Variants in CNTN4 observed in about 807,000 individuals in gnomAD.
CNTN4 encodes the protein contactin 4, also known as contactin-4.
Under a neutral mutation model 122.5 loss-of-function variants are expected in CNTN4, and 77 were observed. The ratio of observed to expected loss-of-function variants is 0.63; its 90% CI spans 0.52 to 0.76. The LOEUF (loss-of-function observed/expected upper bound fraction) is 0.76, where lower values mean the gene tolerates loss of function less well. Among genes scored for constraint, CNTN4 ranks in the 30% least tolerant of loss-of-function variants. The pLI is 0.00. For missense variants in CNTN4, 1,256 were observed against 1,259.1 expected (o/e 1.00, Z 0.04); for synonymous variants, 512 against 447.0 (o/e 1.15, Z -1.83).
intron 3 of CNTN4, among the ~76,000 whole-genome samples, chr3:2,358,695 C>G (rs745371092): frequency 6.6e-6 from 1 of 151,962 alleles, no homozygotes; most frequent in African/African-American, 2.4e-5. Flanking sequence ...CAAATCAGTA[C>G]TAAAGTGCAT....
rs1383173854 is a variant in CNTN4, at chr3:2,174,787, C to T, written c.-145+74148C>T. Among the ~76,000 whole-genome samples, 5 of 152,156 alleles carry T rather than the reference C, an allele frequency of 3.3e-5. No homozygotes were observed. In the East Asian group the frequency reaches 9.6e-4, roughly 29 times the overall value. On this transcript the variant is annotated intron_variant, in intron 2 of 24. Transcript: ENST00000418658. ...GCATCTGCTCAGCTTCTGGAGAGGCCTCAGGGAGCTTTCAGTCATGGCAGA... is the reference window on the plus strand; with the variant it reads ...GCATCTGCTCAGCTTCTGGAGAGGCTTCAGGGAGCTTTCAGTCATGGCAGA...
chr3:2,459,594 G>C (rs1365476772), intron 3 of CNTN4, among the ~76,000 whole-genome samples: 1 of 151,992 alleles, frequency 6.6e-6, no homozygotes, highest in Non-Finnish European at 1.5e-5. Flanking sequence ...TTTTCATCTT[G>C]GTCTTGCCCT....
intron 8 of CNTN4, among the ~76,000 whole-genome samples, chr3:2,872,916 C>T (rs951194347): frequency 2.0e-5 from 3 of 152,096 alleles, no homozygotes; most frequent in Admixed American, 2.0e-4. Flanking sequence ...ACCATGTTTT[C>T]CCAAGTCCTC....
chr3:2,252,641 T>C (rs1057107694), intron 2 of CNTN4, among the ~76,000 whole-genome samples: 1 of 152,110 alleles, frequency 6.6e-6, no homozygotes, highest in African/African-American at 2.4e-5. Context: ...AGATTTAATA[T>C]GGCTAATGAT....
chr3:2,808,807 G>A (rs1289055533), intron 6 of CNTN4, among the ~76,000 whole-genome samples: 2 of 152,220 alleles, frequency 1.3e-5, no homozygotes, highest in African/African-American at 4.8e-5. Flanking sequence ...CCATGCCCTT[G>A]ATTGGACACC....
chr3:2,925,027 T>TA (rs1189194466), intron 12 of CNTN4, among the ~76,000 whole-genome samples: 3 of 152,206 alleles, frequency 2.0e-5, no homozygotes, highest in African/African-American at 4.8e-5. Context: ...CACTTGAACA[T>TA]ACAATAAATT....
At chr3:2,429,104 G>T (rs1489526139) in intron 3 of CNTN4, among the ~76,000 whole-genome samples, 3 of 152,168 alleles carry the variant, frequency 2.0e-5, no homozygotes, top group African/African-American at 2.4e-5. Context: ...TCTCCATCCA[G>T]GTTTGTTCCA....
intron 2 of CNTN4, among the ~76,000 whole-genome samples, chr3:2,104,362 C>T (rs2032257625): frequency 6.6e-6 from 1 of 152,048 alleles, no homozygotes. Flanking sequence ...TTGTAACAGG[C>T]TAACATGAGC....
chr3:2,946,089 A>G (rs1393317868), intron 13 of CNTN4, among the ~76,000 whole-genome samples: 1 of 152,160 alleles, frequency 6.6e-6, no homozygotes, highest in Non-Finnish European at 1.5e-5. Context: ...AACTTTAGAG[A>G]TAAACAGATG....
intron 13 of CNTN4, among the ~76,000 whole-genome samples, chr3:2,972,152 A>C (rs1178477353): frequency 6.6e-6 from 1 of 152,174 alleles, no homozygotes; most frequent in Non-Finnish European, 1.5e-5. Context: ...CTGCTATGTG[A>C]CCACTACAAA....
At chr3:2,863,109 T>C (rs1485010123) in intron 7 of CNTN4, among the ~76,000 whole-genome samples, 2 of 152,206 alleles carry the variant, frequency 1.3e-5, no homozygotes, top group Non-Finnish European at 2.9e-5. Context: ...TACTACACTT[T>C]TTGCCTGCTT....
At chr3:2,266,456 C>A (rs1021693536) in intron 2 of CNTN4, among the ~76,000 whole-genome samples, 3 of 152,028 alleles carry the variant, frequency 2.0e-5, no homozygotes, top group African/African-American at 7.2e-5. Context: ...TTCTTCATTT[C>A]TCAGAGAAGT....
intron 2 of CNTN4, among the ~76,000 whole-genome samples, chr3:2,308,361 C>G (rs570590821): frequency 6.6e-6 from 1 of 151,698 alleles, no homozygotes; most frequent in African/African-American, 2.4e-5. Flanking sequence ...AATTTTTGTT[C>G]CATTGATTTT....
chr3:2,933,851 A>C (rs755697490), intron 13 of CNTN4, among the ~76,000 whole-genome samples: 1 of 152,172 alleles, frequency 6.6e-6, no homozygotes, highest in Non-Finnish European at 1.5e-5. Flanking sequence ...ATTGGAGTGC[A>C]TATGTTCATC....
At chr3:3,011,134 T>C (rs41434948) in intron 14 of CNTN4, among the ~76,000 whole-genome samples, 46,311 of 152,104 alleles carry the variant, frequency 0.3, 7,719 homozygotes, top group Middle Eastern at 0.4. Context: ...CTCAGGAGAA[T>C]TATAAGATAG....
chr3:2,627,280 A>G (rs868240088), intron 4 of CNTN4, among the ~76,000 whole-genome samples: 14 of 152,168 alleles, frequency 9.2e-5, no homozygotes, highest in Non-Finnish European at 2.1e-4. Flanking sequence ...TGGATTTTGC[A>G]TTAAGTTGGA....
At chr3:2,799,421 C>G (rs920941391) in intron 6 of CNTN4, among the ~76,000 whole-genome samples, 35 of 152,100 alleles carry the variant, frequency 2.3e-4, no homozygotes, top group Non-Finnish European at 7.4e-5. Flanking sequence ...CCAATGTCCT[C>G]AAGAGTTTTT....
chr3:2,588,549 T>C (rs904141107), intron 4 of CNTN4, among the ~76,000 whole-genome samples: 2 of 152,034 alleles, frequency 1.3e-5, no homozygotes, highest in African/African-American at 4.8e-5. Flanking sequence ...GTACTTTTAG[T>C]AGAGACGGGG....
rs146704008 is a variant in CNTN4 at position 2,247,505 on chromosome 3, T to A, written c.-144-91673T>A. ...CAGATGATGATAGTTTTGAAATCAG[T>A]TTTACAGGGAAAATTGCTATTTTTC... On this transcript the variant is annotated intron_variant, in intron 2 of 24. Transcript: ENST00000418658. Among the ~76,000 whole-genome samples the A allele has an allele frequency of 2.0e-5, 3 of 152,070 alleles. No individual in the cohort carries two copies. The East Asian group carries it at 5.8e-4, about 29-fold the overall frequency.
Sources: allele counts gnomAD v4.1 joint callset (sites outside exome capture counted in the v4.1 genomes callset), GRCh38; gene constraint gnomAD v4.1.1; transcripts MANE v1.5; gene names NCBI Gene and HGNC (gene_info 2026-07-23, HGNC 2026-07-21).